KCNH5: variants seen among roughly 807,000 people sequenced by gnomAD.
KCNH5 encodes voltage-gated delayed rectifier potassium channel KCNH5.
In KCNH5, 46 loss-of-function variants were observed where a neutral mutation model predicts 96.1. That is an observed-to-expected ratio of 0.48 (90% CI 0.38 to 0.61). KCNH5 has a LOEUF of 0.61. Ranked by LOEUF, KCNH5 falls within the 20% of genes least tolerant of loss-of-function variation. KCNH5 has a pLI of 0.00. For synonymous variants in KCNH5, 439 were observed against 449.8 expected (o/e 0.98, Z 0.30); for missense variants, 907 against 1,225.8 (o/e 0.74, Z 3.88).
rs1891907555 is a variant in KCNH5, at chr14:63,045,441, A to T, written c.-255T>A. Reference sequence around the variant, plus strand: ...TGCCCAGACTGTGGCGGTGCCGCACACGGGGCTCGGGAACTGCAGGCTCCG... The same window carrying T: ...TGCCCAGACTGTGGCGGTGCCGCACTCGGGGCTCGGGAACTGCAGGCTCCG... On this transcript the variant is annotated 5_prime_UTR_variant, in exon 1 of 11. Coordinates refer to ENST00000322893, the MANE Select transcript of KCNH5 (RefSeq NM_139318.5). 3 of 515,960 alleles carry T rather than the reference A, an allele frequency of 5.8e-6. No individual in the cohort carries two copies. The Admixed American group carries it at 9.6e-5, about 16-fold the overall frequency. The allele number at this position is 515,960 out of a possible 1,614,324, so 32.0% of individuals were successfully genotyped here. A position where few individuals can be genotyped will look rare whatever the true frequency, so the allele number is the denominator to read the frequency against.
intron 8 of KCNH5, among the ~76,000 whole-genome samples, chr14:62,825,165 T>C (rs1282308840): frequency 6.6e-6 from 1 of 152,112 alleles, no homozygotes; most frequent in African/African-American, 2.4e-5. Context: ...CTGTTTTAAG[T>C]CCTTTGAGAA....
chr14:62,768,436 C>T (rs1329300524), intron 10 of KCNH5, among the ~76,000 whole-genome samples: 2 of 152,056 alleles, frequency 1.3e-5, no homozygotes, highest in Non-Finnish European at 2.9e-5. Flanking sequence ...ATTTATTAAT[C>T]ATATCAAATA....
At chr14:62,749,256 G>A (rs928852110) in intron 10 of KCNH5, among the ~76,000 whole-genome samples, 1 of 152,194 alleles carries the variant, frequency 6.6e-6, no homozygotes, top group Non-Finnish European at 1.5e-5. Context: ...CATTTCTTCT[G>A]AACAGGAGTC....
intron 8 of KCNH5, among the ~76,000 whole-genome samples, chr14:62,822,619 C>T (rs1887137802): frequency 6.6e-6 from 1 of 150,388 alleles, no homozygotes; most frequent in Admixed American, 6.6e-5. Flanking sequence ...TCAAACCTTA[C>T]ATACACATTT....
chr14:62,968,463 T>C (rs1189952531), intron 6 of KCNH5, among the ~76,000 whole-genome samples: 1 of 152,114 alleles, frequency 6.6e-6, no homozygotes, highest in African/African-American at 2.4e-5. Context: ...CTTAAACATG[T>C]ATGGAAAGCT....
At chr14:62,954,301 A>G (rs1890059384) in intron 6 of KCNH5, among the ~76,000 whole-genome samples, 1 of 152,134 alleles carries the variant, frequency 6.6e-6, no homozygotes, top group Non-Finnish European at 1.5e-5. Flanking sequence ...AGAATTCGAT[A>G]TCCTTCCTTT....
At position 62,878,067 on chromosome 14, in the gene KCNH5, T is replaced by C. The variant is rs552584376; in HGVS notation, c.1370-28215A>G. On this transcript the variant is annotated intron_variant, in intron 7 of 10. Transcript: ENST00000322893. Reference sequence around the variant, plus strand: ...CTAGGGACATGGATGAAATTGGAAATCATCATTCTCAGTAAACTATCGCAA... The same window carrying C: ...CTAGGGACATGGATGAAATTGGAAACCATCATTCTCAGTAAACTATCGCAA... 6.9e-3 allele frequency among the ~76,000 whole-genome samples: 1,046 copies of C among 151,750 alleles called. 4 individuals carry two copies. Among genetic ancestry groups the C allele is most frequent in the Non-Finnish European group, 0.012 (784 of 67,962 alleles).
In KCNH5 at chr14:62,982,756, C is replaced by T. The variant is rs367695679; in HGVS notation, c.550-1492G>A. On this transcript the variant is annotated intron_variant, in intron 5 of 10. Coordinates refer to ENST00000322893, the MANE Select transcript of KCNH5 (RefSeq NM_139318.5). ...TTTTTACTATTTTTGATATGGAAAA[C>T]ATCACTGGTGGTCCCTTTAATTGTA... Among the ~76,000 whole-genome samples the T allele has an allele frequency of 2.6e-4, 39 of 152,234 alleles. 1 individual carries two copies. Among genetic ancestry groups the T allele is most frequent in the African/African-American group, 8.7e-4 (36 of 41,534 alleles).
At chr14:63,021,106 G>A (rs529114425) in intron 1 of KCNH5, among the ~76,000 whole-genome samples, 1 of 151,926 alleles carries the variant, frequency 6.6e-6, no homozygotes, top group African/African-American at 2.4e-5. Flanking sequence ...TAATCCATAA[G>A]CTGTCCACTT....
At chr14:62,826,395 T>TGTGC (rs1272349384) in intron 8 of KCNH5, among the ~76,000 whole-genome samples, 2 of 129,176 alleles carry the variant, frequency 1.5e-5, no homozygotes, top group African/African-American at 3.1e-5. Context: ...TGTGTGTGTG[T>TGTGC]GTGCGTGCGT....
At chr14:63,041,663 G>T (rs1891826569) in intron 1 of KCNH5, among the ~76,000 whole-genome samples, 1 of 152,054 alleles carries the variant, frequency 6.6e-6, no homozygotes, top group Non-Finnish European at 1.5e-5. Context: ...AAACTAAAAA[G>T]AATTCCTTGC....
chr14:62,819,838 A>G (rs1887077858), intron 8 of KCNH5, among the ~76,000 whole-genome samples: 1 of 152,244 alleles, frequency 6.6e-6, no homozygotes, highest in Admixed American at 6.5e-5. Context: ...TTTCTATGAT[A>G]AAATACATGA....
intron 7 of KCNH5, among the ~76,000 whole-genome samples, chr14:62,859,626 G>A (rs1887994794): frequency 6.6e-6 from 1 of 152,144 alleles, no homozygotes; most frequent in Admixed American, 6.5e-5. Flanking sequence ...CAAACCACTG[G>A]CTACAGCCCA....
At chr14:62,755,121 T>G (rs990414416) in intron 10 of KCNH5, among the ~76,000 whole-genome samples, 1 of 151,198 alleles carries the variant, frequency 6.6e-6, no homozygotes, top group Non-Finnish European at 1.5e-5. Context: ...CAGAAATAAA[T>G]AAAATTGAAA....
chr14:62,716,316 T>G (rs1179119028), intron 10 of KCNH5, among the ~76,000 whole-genome samples: 1 of 152,182 alleles, frequency 6.6e-6, no homozygotes, highest in African/African-American at 2.4e-5. Flanking sequence ...TTTAGTCTCG[T>G]TTTTCTTCAT....
intron 2 of KCNH5, among the ~76,000 whole-genome samples, chr14:63,009,898 A>T (rs972630075): frequency 2.0e-5 from 3 of 152,208 alleles, no homozygotes; most frequent in African/African-American, 7.2e-5. Flanking sequence ...AAATTATAGA[A>T]ATAGTAATCA....
chr14:62,700,534 T>A lies in KCNH5; in HGVS notation c.*6974A>T, dbSNP rs1884331585. The A allele has an allele frequency of 6.6e-6, 1 of 152,146 alleles. No individual in the cohort carries two copies. The highest frequency in any genetic ancestry group is 1.5e-5 in the Non-Finnish European group (1 of 68,022). 9.4% of individuals were successfully genotyped at this position (152,146 alleles called of 1,614,324 possible). On this transcript the variant is annotated 3_prime_UTR_variant, in exon 11 of 11. Coordinates refer to ENST00000322893, the MANE Select transcript of KCNH5 (RefSeq NM_139318.5). The stretch of plus-strand genomic sequence containing the variant: ...ATCCCTGCAGAGGTCAAAAAAGCAA[T>A]TCTGACAACTGTTTTTTCCTGAAAA...
intron 8 of KCNH5, among the ~76,000 whole-genome samples, chr14:62,821,672 C>A (rs1887116269): frequency 6.6e-6 from 1 of 151,998 alleles, no homozygotes; most frequent in African/African-American, 2.4e-5. Context: ...ATTATTTATT[C>A]AGACATAATT....
chr14:62,870,975 CTT>C (rs1459797483), intron 7 of KCNH5, among the ~76,000 whole-genome samples: 3 of 152,170 alleles, frequency 2.0e-5, no homozygotes, highest in Non-Finnish European at 4.4e-5. Context: ...TCAATAAACA[CTT>C]TAAAATTGTT....
Sources: allele counts gnomAD v4.1 joint callset (sites outside exome capture counted in the v4.1 genomes callset), GRCh38; gene constraint gnomAD v4.1.1; transcripts MANE v1.5; gene names NCBI Gene and HGNC (gene_info 2026-07-23, HGNC 2026-07-21).